Variants in ZCWPW2 observed in about 807,000 individuals in gnomAD.
The protein encoded by ZCWPW2 is zinc finger CW-type PWWP domain protein 2.
Under a neutral mutation model 46.6 loss-of-function variants are expected in ZCWPW2, and 45 were observed. That is an observed-to-expected ratio of 0.96 (90% confidence interval 0.76 to 1.24). The LOEUF (loss-of-function observed/expected upper bound fraction) is 1.24, where lower values mean the gene tolerates loss of function less well. ZCWPW2 is among the 50% of genes most tolerant of loss of function. The pLI, the probability that ZCWPW2 is intolerant of heterozygous loss-of-function variation, is 0.00. For synonymous variants in ZCWPW2, 152 were observed against 137.1 expected (o/e 1.11, Z -0.76); for missense variants, 429 against 403.9 (o/e 1.06, Z -0.53).
intron 2 of ZCWPW2, among the ~76,000 whole-genome samples, chr3:28,411,895 T>C (rs1251360693): frequency 6.6e-6 from 1 of 152,114 alleles, no homozygotes; most frequent in Non-Finnish European, 1.5e-5. Context: ...TGAATGTTTT[T>C]GGTCTTGCTA....
At chr3:28,396,677 C>T (rs1695713618) in intron 2 of ZCWPW2, among the ~76,000 whole-genome samples, 1 of 152,192 alleles carries the variant, frequency 6.6e-6, no homozygotes, top group South Asian at 2.1e-4. Context: ...GGATATATAT[C>T]TTCCTATAAC....
chr3:28,359,163 A>G (rs1227337942), intron 1 of ZCWPW2, among the ~76,000 whole-genome samples: 1 of 152,118 alleles, frequency 6.6e-6, no homozygotes. Flanking sequence ...ATGAAAGTGG[A>G]AATGGTCAGA....
intron 3 of ZCWPW2, among the ~76,000 whole-genome samples, chr3:28,424,987 G>A (rs1696950354): frequency 6.6e-6 from 1 of 152,114 alleles, no homozygotes; most frequent in African/African-American, 2.4e-5. Context: ...CACAGTATTT[G>A]TATTCTCTAA....
At position 28,391,807 on chromosome 3, in the gene ZCWPW2, A is replaced by T. The variant is rs141147636; in HGVS notation, c.-14+1190A>T. Among the ~76,000 whole-genome samples the T allele has an allele frequency of 2.6e-5, 4 of 152,194 alleles. No homozygotes were observed. In the East Asian group the frequency reaches 7.7e-4, roughly 29 times the overall value. ...GGGTCCCTCACCCTCATCCCCTAAG[A>T]AGGAGCCACTATTTTGCCACCCCAG... On this transcript the variant is annotated intron_variant, in intron 2 of 9. Coordinates refer to ENST00000383768, the MANE Select transcript of ZCWPW2 (RefSeq NM_001040432.4).
chr3:28,357,303 GA>G (rs1704774221), intron 1 of ZCWPW2, among the ~76,000 whole-genome samples: 1 of 152,182 alleles, frequency 6.6e-6, no homozygotes, highest in Non-Finnish European at 1.5e-5. Flanking sequence ...AAAGGAGAAG[GA>G]AAACGTCCAA....
At chr3:28,461,598 G>C (rs993338708) in intron 4 of ZCWPW2, 3 of 151,924 alleles carry the variant, frequency 2.0e-5, no homozygotes, top group Non-Finnish European at 4.4e-5. Context: ...CCAGTTTCCT[G>C]ACTGGGTTGT....
At chr3:28,372,392 A>T (rs1705365030) in intron 1 of ZCWPW2, among the ~76,000 whole-genome samples, 1 of 152,200 alleles carries the variant, frequency 6.6e-6, no homozygotes, top group Non-Finnish European at 1.5e-5. Context: ...AAATCATGAA[A>T]TGTTAACAGC....
chr3:28,514,082 A>C lies in ZCWPW2; in HGVS notation c.676A>C (p.Asn226His), dbSNP rs1312471136. The C allele has an allele frequency of 6.6e-7, 1 of 1,509,966 alleles. No homozygotes were observed. Among genetic ancestry groups the C allele is most frequent in the Non-Finnish European group, 9.1e-7 (1 of 1,102,878 alleles). 93.5% of individuals were successfully genotyped at this position (1,509,966 alleles called of 1,614,324 possible). The change falls in exon 7 of 10, where the codon AAT becomes CAT. Residue 226 changes from asparagine (N) to histidine (H), a missense_variant. By Grantham distance (68) the Asn-to-His change is moderately conservative (BLOSUM62 1). Coordinates refer to ENST00000383768, the MANE Select transcript of ZCWPW2 (RefSeq NM_001040432.4). ...VKKRKQTSKN[N>H]IEKKKPKFRK... is the part of the protein sequence containing the mutation. ...GTTATAGAAGCAGACTTCTAAAAAT[A>C]ATATTGAAAAGAAGAAGCCCAAATT...
chr3:28,473,529 G>A (rs776092780), intron 4 of ZCWPW2, among the ~76,000 whole-genome samples: 2 of 151,800 alleles, frequency 1.3e-5, no homozygotes, highest in African/African-American at 2.4e-5. Context: ...CCACTCCTAT[G>A]TATATACCCA....
At chr3:28,357,157 C>T (rs887928351) in intron 1 of ZCWPW2, among the ~76,000 whole-genome samples, 1 of 151,718 alleles carries the variant, frequency 6.6e-6, no homozygotes, top group Non-Finnish European at 1.5e-5. Context: ...TTATAAAAAC[C>T]AGGAAGACAA....
At chr3:28,439,319 G>A (rs561879073) in intron 4 of ZCWPW2, among the ~76,000 whole-genome samples, 6 of 152,022 alleles carry the variant, frequency 3.9e-5, no homozygotes, top group African/African-American at 9.6e-5. Context: ...CATCCAGCAC[G>A]GGAGAAAGAT....
chr3:28,476,200 G>T (rs1431368589), intron 4 of ZCWPW2, among the ~76,000 whole-genome samples: 1 of 151,692 alleles, frequency 6.6e-6, no homozygotes, highest in Non-Finnish European at 1.5e-5. Flanking sequence ...TTTGGGAGAA[G>T]TAGTACCTGG....
intron 4 of ZCWPW2, among the ~76,000 whole-genome samples, chr3:28,474,630 C>CGG (rs1559519914): frequency 6.9e-6 from 1 of 144,676 alleles, no homozygotes; most frequent in African/African-American, 2.6e-5. Context: ...TGCGCGCGCG[C>CGG]GCGCGCGCAC....
chr3:28,483,114 T>A (rs1349905209), intron 5 of ZCWPW2, among the ~76,000 whole-genome samples: 2 of 152,210 alleles, frequency 1.3e-5, no homozygotes, highest in Non-Finnish European at 2.9e-5. Context: ...TTCTAGGAGT[T>A]TTATAATTTT....
At chr3:28,454,161 A>G (rs1221344592) in intron 4 of ZCWPW2, among the ~76,000 whole-genome samples, 4 of 152,066 alleles carry the variant, frequency 2.6e-5, no homozygotes, top group African/African-American at 7.2e-5. Context: ...TATATTTATA[A>G]TTGTATATAT....
chr3:28,359,759 T>C (rs1467133456), intron 1 of ZCWPW2, among the ~76,000 whole-genome samples: 3 of 152,152 alleles, frequency 2.0e-5, no homozygotes, highest in Admixed American at 2.0e-4. Context: ...GATACGTTCA[T>C]GAAACATTCC....
chr3:28,423,728 A>G (rs1168390840), intron 3 of ZCWPW2, among the ~76,000 whole-genome samples: 1 of 151,948 alleles, frequency 6.6e-6, no homozygotes, highest in Non-Finnish European at 1.5e-5. Flanking sequence ...ACACTTTTCC[A>G]ACACTTGCAG....
intron 3 of ZCWPW2, among the ~76,000 whole-genome samples, chr3:28,433,106 C>A (rs1697335951): frequency 6.6e-6 from 1 of 151,850 alleles, no homozygotes; most frequent in Non-Finnish European, 1.5e-5. Context: ...CACACACACA[C>A]ACACACACAC....
chr3:28,383,597 G>A (rs945002572), intron 1 of ZCWPW2, among the ~76,000 whole-genome samples: 2 of 151,802 alleles, frequency 1.3e-5, no homozygotes, highest in South Asian at 2.1e-4. Context: ...AAATCTAGAA[G>A]ATAAGAGGTG....
Sources: gnomAD v4.1 joint callset for allele counts (sites outside exome capture counted in the v4.1 genomes callset) on GRCh38, gnomAD v4.1.1 for gene constraint, MANE v1.5 for transcripts, NCBI Gene and HGNC (gene_info 2026-07-23, HGNC 2026-07-21) for gene names.